The following CHST8 variants were observed in gnomAD, a reference collection of about 807,000 sequenced individuals.
CHST8 encodes carbohydrate sulfotransferase 8.
CHST8 carries 10 observed loss-of-function variants against 15.0 expected under a neutral mutation model. The ratio of observed to expected loss-of-function variants is 0.67; its 90% confidence interval spans 0.41 to 1.13. The LOEUF (loss-of-function observed/expected upper bound fraction) is 1.13. Ranked by LOEUF, CHST8 falls within the 50% of genes most tolerant of loss-of-function variation. The pLI is 0.00. For missense variants in CHST8, 634 were observed against 608.2 expected, an observed-to-expected ratio of 1.04 and a Z score of -0.45; for synonymous variants, 259 against 256.6, an observed-to-expected ratio of 1.01 and a Z score of -0.09.
intron 1 of CHST8, among the ~76,000 whole-genome samples, chr19:33,635,667 C>CT (rs1972185557): frequency 6.6e-6 from 1 of 152,094 alleles, no homozygotes; most frequent in Non-Finnish European, 1.5e-5. Context: ...TGAGGGCCAG[C>CT]AGTGGAAAAA....
intron 2 of CHST8, among the ~76,000 whole-genome samples, chr19:33,682,146 G>C (rs555380159): frequency 6.7e-6 from 1 of 149,300 alleles, no homozygotes; most frequent in Non-Finnish European, 1.5e-5. Flanking sequence ...GTGAGCCACC[G>C]TGCCTGGTGT....
At chr19:33,729,724 C>T (rs1166891128) in intron 3 of CHST8, among the ~76,000 whole-genome samples, 1 of 152,186 alleles carries the variant, frequency 6.6e-6, no homozygotes, top group African/African-American at 2.4e-5. Context: ...GGTCACTGAA[C>T]AAGGAAATGG....
intron 3 of CHST8, among the ~76,000 whole-genome samples, chr19:33,726,338 A>C (rs1192461220): frequency 6.6e-6 from 1 of 152,090 alleles, no homozygotes; most frequent in Non-Finnish European, 1.5e-5. Context: ...AGGTGGGAGG[A>C]TCACTTTAGC....
chr19:33,763,549 G>A (rs540716955), intron 3 of CHST8, among the ~76,000 whole-genome samples: 43 of 152,318 alleles, frequency 2.8e-4, no homozygotes, highest in African/African-American at 8.9e-4. Context: ...GCAGGTGGCC[G>A]TGACTGTGAC....
intron 3 of CHST8, among the ~76,000 whole-genome samples, chr19:33,761,417 C>A (rs573955345): frequency 6.6e-6 from 1 of 152,160 alleles, no homozygotes; most frequent in East Asian, 1.9e-4. Context: ...GCAACCTCCA[C>A]CTCCCAGGTT....
intron 2 of CHST8, among the ~76,000 whole-genome samples, chr19:33,672,580 C>T (rs763530015): frequency 7.2e-5 from 11 of 152,094 alleles, no homozygotes; most frequent in Admixed American, 1.3e-4. Context: ...GATGTGTTTG[C>T]GATGGGGGAA....
At chr19:33,661,392 G>T (rs1423768487) in intron 1 of CHST8, among the ~76,000 whole-genome samples, 2 of 152,236 alleles carry the variant, frequency 1.3e-5, no homozygotes, top group Admixed American at 6.5e-5. Flanking sequence ...TTGAGCTCAT[G>T]TATGCGACCC....
chr19:33,734,181 G>A (rs1974041430), intron 3 of CHST8, among the ~76,000 whole-genome samples: 1 of 152,140 alleles, frequency 6.6e-6, no homozygotes, highest in African/African-American at 2.4e-5. Flanking sequence ...AATGGCCATG[G>A]GAGTGACCTC....
chr19:33,640,790 C>T (rs2145446906), intron 1 of CHST8, among the ~76,000 whole-genome samples: 1 of 152,254 alleles, frequency 6.6e-6, no homozygotes, highest in Non-Finnish European at 1.5e-5. Flanking sequence ...CTCCTCCTTC[C>T]AGCGAAGTGG....
At chr19:33,677,525 G>A (rs74602546) in intron 2 of CHST8, among the ~76,000 whole-genome samples, 8,731 of 152,130 alleles carry the variant, frequency 0.057, 664 homozygotes, top group African/African-American at 0.18. Context: ...GAGAGGACTG[G>A]GACCCAGCAG....
intron 1 of CHST8, among the ~76,000 whole-genome samples, chr19:33,660,205 G>A (rs1284364841): frequency 1.3e-5 from 2 of 152,160 alleles, no homozygotes; most frequent in African/African-American, 2.4e-5. Context: ...AATCAATGAT[G>A]CTAGTTGCCA....
chr19:33,712,616 G>A (rs1048465708), intron 3 of CHST8, among the ~76,000 whole-genome samples: 4 of 152,124 alleles, frequency 2.6e-5, no homozygotes, highest in African/African-American at 9.7e-5. Flanking sequence ...ATTTGCAGCC[G>A]CCCACACTTG....
chr19:33,686,747 G>A (rs1482195317), intron 2 of CHST8, among the ~76,000 whole-genome samples: 1 of 152,222 alleles, frequency 6.6e-6, no homozygotes, highest in African/African-American at 2.4e-5. Context: ...CACCCACACC[G>A]TGGCCAGCTT....
chr19:33,637,488 C>T (rs1304003502), intron 1 of CHST8, among the ~76,000 whole-genome samples: 3 of 151,308 alleles, frequency 2.0e-5, no homozygotes, highest in Non-Finnish European at 3.0e-5. Context: ...CTGCAAGCCC[C>T]GCCTTCTGGG....
rs936027897 is a variant in CHST8 at position 33,626,891 on chromosome 19, C to T, written c.-164+4595C>T. ...GCAGCCTTGAACTTCCAGGCTCAAA[C>T]AATCCTCCTGCTTCAGCCTCTTGAG... On this transcript the variant is annotated intron_variant, in intron 1 of 4. Transcript: ENST00000650847. Among the ~76,000 whole-genome samples, 4 of 148,546 alleles carry T rather than the reference C, an allele frequency of 2.7e-5. No individual in the cohort carries two copies. In the Admixed American group the frequency reaches 2.7e-4, roughly 10 times the overall value.
At chr19:33,737,763 A>G (rs1193980196) in intron 3 of CHST8, among the ~76,000 whole-genome samples, 4 of 151,938 alleles carry the variant, frequency 2.6e-5, no homozygotes, top group Admixed American at 2.0e-4. Context: ...GCCTTCTCCA[A>G]TGTGTTTTCT....
intron 1 of CHST8, among the ~76,000 whole-genome samples, chr19:33,640,432 G>A (rs1051480755): frequency 1.3e-5 from 2 of 152,176 alleles, no homozygotes; most frequent in African/African-American, 2.4e-5. Context: ...CCTGTTCCAA[G>A]CTTCCAGCCC....
chr19:33,718,363 C>T (rs902232368), intron 3 of CHST8, among the ~76,000 whole-genome samples: 1 of 152,070 alleles, frequency 6.6e-6, no homozygotes, highest in African/African-American at 2.4e-5. Context: ...GGATTACAGG[C>T]GTGAGCCTCT....
At chr19:33,659,677 GC>G (rs1181851691) in intron 1 of CHST8, among the ~76,000 whole-genome samples, 1 of 152,002 alleles carries the variant, frequency 6.6e-6, no homozygotes, top group African/African-American at 2.4e-5. Context: ...AGGAAAGGTG[GC>G]TTGTGCCTGA....
Sources: allele counts gnomAD v4.1 joint callset (sites outside exome capture counted in the v4.1 genomes callset), GRCh38; gene constraint gnomAD v4.1.1; transcripts MANE v1.5; gene names NCBI Gene and HGNC (gene_info 2026-07-23, HGNC 2026-07-21).